MOB1B: variants seen among roughly 807,000 people sequenced by gnomAD.
The protein encoded by MOB1B is MOB kinase activator 1B.
Under a neutral mutation model 24.4 loss-of-function variants are expected in MOB1B, and 19 were observed. That is an observed-to-expected ratio of 0.78 (90% CI 0.54 to 1.14). MOB1B has a LOEUF of 1.14. Among genes scored for constraint, MOB1B ranks in the 50% most tolerant of loss-of-function variants. The pLI is 0.00. For synonymous variants in MOB1B, 76 were observed against 82.1 expected, an observed-to-expected ratio of 0.93 and a Z score of 0.40; for missense variants, 243 against 259.6, an observed-to-expected ratio of 0.94 and a Z score of 0.44.
At chr4:70,933,541 T>G (rs1293288822) in intron 1 of MOB1B, among the ~76,000 whole-genome samples, 1 of 136,132 alleles carries the variant, frequency 7.3e-6, no homozygotes, top group African/African-American at 2.9e-5. Flanking sequence ...TAAAAATAAC[T>G]CTTTTTTTTT....
chr4:70,955,539 C>T (rs1311640124), intron 1 of MOB1B, among the ~76,000 whole-genome samples: 17 of 134,550 alleles, frequency 1.3e-4, no homozygotes, highest in Non-Finnish European at 1.8e-4. Context: ...GGCGTGATCT[C>T]GGCTCACTGC....
At chr4:70,918,996 A>C (rs1361456579) in intron 1 of MOB1B, among the ~76,000 whole-genome samples, 2 of 152,158 alleles carry the variant, frequency 1.3e-5, no homozygotes, top group Non-Finnish European at 2.9e-5. Flanking sequence ...TGATGAGTTC[A>C]TGTCCTTTGT....
At chr4:70,959,091 CATT>C (rs1417226488) in intron 2 of MOB1B, 51 bp downstream of exon 2, 4 of 1,493,782 alleles carry the variant, frequency 2.7e-6, no homozygotes, top group Non-Finnish European at 2.8e-6. Context: ...GTAATAGCCT[CATT>C]GTTGGTGAGT....
intron 1 of MOB1B, among the ~76,000 whole-genome samples, chr4:70,934,975 C>T (rs974764263): frequency 1.3e-5 from 2 of 151,996 alleles, no homozygotes; most frequent in African/African-American, 2.4e-5. Flanking sequence ...CAGGGTCTCT[C>T]TCTGTTGCCG....
At chr4:70,917,706 G>A (rs754010896) in intron 1 of MOB1B, among the ~76,000 whole-genome samples, 6 of 152,156 alleles carry the variant, frequency 3.9e-5, no homozygotes, top group Admixed American at 2.0e-4. Context: ...TCTTGCATGG[G>A]AAAGCTTTTA....
In MOB1B at chr4:70,987,952, T is replaced by A. The variant is rs573489842; in HGVS notation, c.*5895T>A. The A allele has an allele frequency of 2.6e-5, 4 of 152,644 alleles. No individual in the cohort carries two copies. The highest frequency in any genetic ancestry group is 6.5e-5 in the Admixed American group (1 of 15,282). 9.5% of individuals were successfully genotyped at this position (152,644 alleles called of 1,614,324 possible). On this transcript the variant is annotated 3_prime_UTR_variant, in exon 6 of 6. Transcript: ENST00000309395. ...TGCCGGATTATGCAAATTGTAGTTGTTACTGATCAAAGTTTAATTGCTTCA... is the reference window on the plus strand; with the variant it reads ...TGCCGGATTATGCAAATTGTAGTTGATACTGATCAAAGTTTAATTGCTTCA...
chr4:70,950,279 T>C (rs1379121420), intron 1 of MOB1B, among the ~76,000 whole-genome samples: 1 of 151,610 alleles, frequency 6.6e-6, no homozygotes, highest in Non-Finnish European at 1.5e-5. Flanking sequence ...CTACTAAAAA[T>C]ACAAAAATTA....
chr4:70,946,298 CAATAAG>C (rs748472510), intron 1 of MOB1B, among the ~76,000 whole-genome samples: 1 of 151,936 alleles, frequency 6.6e-6, no homozygotes, highest in Non-Finnish European at 1.5e-5. Context: ...TGGCTCCTCG[CAATAAG>C]AATAAGATTT....
intron 1 of MOB1B, among the ~76,000 whole-genome samples, chr4:70,906,833 A>T (rs1735769727): frequency 6.6e-6 from 1 of 152,182 alleles, no homozygotes; most frequent in South Asian, 2.1e-4. Context: ...TTTTAAACAC[A>T]TCCTTAGCAC....
chr4:70,960,502 G>A (rs1017996097), intron 2 of MOB1B, among the ~76,000 whole-genome samples: 1 of 152,016 alleles, frequency 6.6e-6, no homozygotes, highest in African/African-American at 2.4e-5. Flanking sequence ...ATATTTAATG[G>A]CCTCTTATTA....
chr4:70,965,706 A>C (rs1578394789), intron 2 of MOB1B, among the ~76,000 whole-genome samples: 1 of 145,684 alleles, frequency 6.9e-6, no homozygotes, highest in Middle Eastern at 3.5e-3. Context: ...CTGAGGCAGG[A>C]GAATGGCGTG....
chr4:70,953,924 A>AC (rs754181696), intron 1 of MOB1B, among the ~76,000 whole-genome samples: 1 of 152,178 alleles, frequency 6.6e-6, no homozygotes, highest in Non-Finnish European at 1.5e-5. Flanking sequence ...AGCCTGGGTG[A>AC]CAGAGCAAGA....
At chr4:70,932,987 G>A (rs888202670) in intron 1 of MOB1B, among the ~76,000 whole-genome samples, 11 of 152,098 alleles carry the variant, frequency 7.2e-5, no homozygotes, top group Admixed American at 5.9e-4. Flanking sequence ...ATACTGCTGT[G>A]AACAAATACC....
At chr4:70,979,005 T>A in intron 4 of MOB1B, 123 bp from the exon 5 acceptor site, 1 of 777,354 alleles carries the variant, frequency 1.3e-6, no homozygotes, top group Non-Finnish European at 2.1e-6. Context: ...GGTATATGTA[T>A]AAATTCATAA....
At chr4:70,960,375 A>C (rs192699629) in intron 2 of MOB1B, among the ~76,000 whole-genome samples, 6 of 152,180 alleles carry the variant, frequency 3.9e-5, no homozygotes, top group Non-Finnish European at 7.3e-5. Flanking sequence ...AATAGTAATA[A>C]TAGAATTTTA....
At chr4:70,921,317 GCCAGCACTAT>G (rs1736426966) in intron 1 of MOB1B, among the ~76,000 whole-genome samples, 1 of 152,078 alleles carries the variant, frequency 6.6e-6, no homozygotes, top group African/African-American at 2.4e-5. Flanking sequence ...GTACTCCAGT[GCCAGCACTAT>G]CTATGCAAAA....
At chr4:70,923,986 G>T (rs1736551444) in intron 1 of MOB1B, among the ~76,000 whole-genome samples, 1 of 147,362 alleles carries the variant, frequency 6.8e-6, no homozygotes. Context: ...AAAGAAATAG[G>T]TAACAGTATA....
intron 1 of MOB1B, among the ~76,000 whole-genome samples, chr4:70,949,135 T>C (rs1490926984): frequency 1.3e-5 from 2 of 152,252 alleles, no homozygotes. Flanking sequence ...TCTCAGTCAC[T>C]ATGTCTCATT....
At chr4:70,935,605 G>A (rs961263471) in intron 1 of MOB1B, among the ~76,000 whole-genome samples, 8 of 151,956 alleles carry the variant, frequency 5.3e-5, no homozygotes, top group Non-Finnish European at 1.0e-4. Context: ...GAATGTGTGT[G>A]TGTGTATTTT....
Sources: allele counts gnomAD v4.1 joint callset (sites outside exome capture counted in the v4.1 genomes callset), GRCh38; gene constraint gnomAD v4.1.1; transcripts MANE v1.5; gene names NCBI Gene and HGNC (gene_info 2026-07-23, HGNC 2026-07-21).